MRNIP: variants seen among roughly 807,000 people sequenced by gnomAD.
MRNIP encodes MRN complex interacting protein.
MRNIP carries 30 observed loss-of-function variants against 29.8 expected under a neutral mutation model. The observed-to-expected ratio is 1.01, with a 90% confidence interval of 0.75 to 1.36. The LOEUF is 1.36. Ranked by LOEUF, MRNIP falls within the 40% of genes most tolerant of loss-of-function variation. The probability of loss-of-function intolerance (pLI) is 0.00; values close to 1 mark genes in which losing one functional copy is unlikely to be tolerated. For missense variants in MRNIP, 459 were observed against 423.5 expected (o/e 1.08, Z -0.74); for synonymous variants, 201 against 164.1 (o/e 1.23, Z -1.72).
chr5:179,842,072 A>C lies in MRNIP; in HGVS notation c.292-8T>G. 1 of 1,612,926 alleles carries C rather than the reference A, an allele frequency of 6.2e-7. No homozygotes were observed. Among genetic ancestry groups the C allele is most frequent in the Non-Finnish European group, 8.5e-7 (1 of 1,179,714 alleles). On this transcript the variant is annotated splice_region_variant and splice_polypyrimidine_tract_variant and intron_variant, in intron 4 of 6. Transcript: ENST00000292586. ...TGAGGGCTGCGATTTTTCCTGCCAG[A>C]TTGAGAAAAAAGTTGATTCTCAGTA...
Position 179,841,956 on chromosome 5 carries a change from T to C in MRNIP, c.400A>G (p.Lys134Glu), listed in dbSNP as rs377383864. The change falls in exon 5 of 7, where the codon AAA becomes GAA. Residue 134 changes from lysine (K) to glutamate (E), a missense_variant. By Grantham distance (56) the Lys-to-Glu change is moderately conservative. Coordinates refer to ENST00000292586, the MANE Select transcript of MRNIP (RefSeq NM_016175.4). The stretch of plus-strand genomic sequence containing the variant: ...AAGCGGGGGCCTGGCTCCTCCATTT[T>C]GGATGAAGGCTGTTTGCTGAAACAC... ...GVCFSKQPSS[K>E]MEEPGPRFSQ... The C allele has an allele frequency of 8.1e-6, 13 of 1,614,058 alleles. No homozygotes were observed. The African/African-American group carries it at 1.5e-4, about 18-fold the overall frequency.
At chr5:179,852,927 C>T (rs949393663) in intron 2 of MRNIP, among the ~76,000 whole-genome samples, 3 of 152,236 alleles carry the variant, frequency 2.0e-5, no homozygotes, top group Non-Finnish European at 4.4e-5. Context: ...TATCCCACAC[C>T]TCCACCTCCA....
At position 179,837,752 on chromosome 5, in the gene MRNIP, G is replaced by T. The variant is rs766672073; in HGVS notation, c.671C>A (p.Ala224Asp). ...AAATTGCGCCCATTTAGAGGATGTGGCTGTAACCTGCTGGATGGGACTCCA... is the reference window on the plus strand; with the variant it reads ...AAATTGCGCCCATTTAGAGGATGTGTCTGTAACCTGCTGGATGGGACTCCA... Reference protein sequence around the residue: ...ELWSPIQQVTATSSKWAQFVL... With the variant: ...ELWSPIQQVTDTSSKWAQFVL... Residue 224 changes from alanine to aspartate, a missense_variant, in exon 7 of 7, where the codon GCC (alanine) becomes GAC (aspartate). Transcript: ENST00000292586. 4 of 1,614,232 alleles carry T rather than the reference G, an allele frequency of 2.5e-6. No homozygotes were observed. The South Asian group carries it at 4.4e-5, about 18-fold the overall frequency.
chr5:179,848,188 A>G (rs1418776666), intron 2 of MRNIP, 122 bp from the exon 3 acceptor site: 2 of 728,654 alleles, frequency 2.7e-6, no homozygotes, highest in Admixed American at 2.1e-5. Flanking sequence ...AGACCCCTAA[A>G]GCAGCATGCA....
At position 179,842,180 on chromosome 5, in the gene MRNIP, T is replaced by C. The variant is rs1758909078; in HGVS notation, c.292-116A>G. On this transcript the variant is annotated intron_variant, in intron 4 of 6. Transcript: ENST00000292586. Reference sequence around the variant, plus strand: ...TCAGGAGTCATGTCCAGCTCCACTCTAGGAAAGGCACCGGCTGGAAGGTGA... The same window carrying C: ...TCAGGAGTCATGTCCAGCTCCACTCCAGGAAAGGCACCGGCTGGAAGGTGA... 6.9e-6 allele frequency: 7 copies of C among 1,008,950 alleles called. No individual in the cohort carries two copies. In the Admixed American group the frequency reaches 8.7e-5, roughly 13 times the overall value. The allele number at this position is 1,008,950 out of a possible 1,614,324, so 62.5% of individuals were successfully genotyped here. A position where few individuals can be genotyped will look rare whatever the true frequency, so the allele number is the denominator to read the frequency against.
At chr5:179,842,109 G>A (rs1457582317) in intron 4 of MRNIP, 45 bp from the exon 5 acceptor site, 3 of 1,600,498 alleles carry the variant, frequency 1.9e-6, no homozygotes, top group Non-Finnish European at 2.6e-6. Flanking sequence ...TGGAAACCAG[G>A]CAGTTTTATC....
In MRNIP at chr5:179,848,051, A is replaced by G; in HGVS notation, c.142T>C (p.Ser48Pro). 1 of 1,613,974 alleles carries G rather than the reference A, an allele frequency of 6.2e-7. No homozygotes were observed. Among genetic ancestry groups the G allele is most frequent in the Non-Finnish European group, 8.5e-7 (1 of 1,179,830 alleles). The change falls in exon 3 of 7, where the codon TCT becomes CCT. Residue 48 changes from serine (S) to proline (P), a missense_variant. Coordinates refer to ENST00000292586, the MANE Select transcript of MRNIP (RefSeq NM_016175.4). Reference protein sequence around the residue: ...QSFLQAYGEGSGADCRRHVQK... With the variant: ...QSFLQAYGEGPGADCRRHVQK... Reference sequence around the variant, plus strand: ...ACATGGCGTCTACAATCAGCACCAGAGCCTTCACCATAAGCCTGAGAAACC... The same window carrying G: ...ACATGGCGTCTACAATCAGCACCAGGGCCTTCACCATAAGCCTGAGAAACC...
intron 1 of MRNIP, among the ~76,000 whole-genome samples, chr5:179,855,364 G>A (rs1044697464): frequency 3.3e-5 from 5 of 151,804 alleles, no homozygotes; most frequent in African/African-American, 4.8e-5. Context: ...GGCTGGTCTC[G>A]AACTCCTGAC....
At chr5:179,846,753 T>A (rs1246750222) in intron 3 of MRNIP, among the ~76,000 whole-genome samples, 1 of 152,210 alleles carries the variant, frequency 6.6e-6, no homozygotes, top group Non-Finnish European at 1.5e-5. Context: ...TTCCAAAATC[T>A]TAGAGATATT....
intron 4 of MRNIP, among the ~76,000 whole-genome samples, chr5:179,843,041 A>AGAAG (rs575675053): frequency 0.035 from 3,681 of 106,204 alleles, 74 homozygotes; most frequent in South Asian, 0.048. Flanking sequence ...AAAGGAGGAA[A>AGAAG]GAAGGAAGGA....
chr5:179,856,324 T>C (rs1223120737), intron 1 of MRNIP, among the ~76,000 whole-genome samples: 1 of 152,148 alleles, frequency 6.6e-6, no homozygotes, highest in Non-Finnish European at 1.5e-5. Flanking sequence ...TTGATTCCCG[T>C]GTATTTCGGA....
Position 179,840,905 on chromosome 5 carries a change from C to A in MRNIP, c.504G>T (p.Ser168=). The change falls in exon 6 of 7, where the codon TCG becomes TCT. Residue 168 remains serine, a synonymous_variant. Coordinates refer to ENST00000292586, the MANE Select transcript of MRNIP (RefSeq NM_016175.4). ...GTCCCCAGGCGACCTCAGAGCCACC[C>A]GAGTCCTGCACGCCACGGCTGCACG... The part of the protein sequence containing the change: ...QPPCSRGVQD[S]GGSEVAWGPQ... The A allele has an allele frequency of 1.2e-6, 2 of 1,612,116 alleles. No individual in the cohort carries two copies. The highest frequency in any genetic ancestry group is 1.7e-6 in the Non-Finnish European group (2 of 1,179,322).
rs201735243 is a variant in MRNIP at position 179,855,907 on chromosome 5, G to T, written c.67-2470C>A. Among the ~76,000 whole-genome samples, 525 of 110,922 alleles carry T rather than the reference G, an allele frequency of 4.7e-3. 3 individuals carry two copies. The highest frequency in any genetic ancestry group is 0.033 in the East Asian group (108 of 3,266). 72.8% of individuals were successfully genotyped at this position (110,922 alleles called of 152,430 possible). On this transcript the variant is annotated intron_variant, in intron 1 of 6. Coordinates refer to ENST00000292586, the MANE Select transcript of MRNIP (RefSeq NM_016175.4). ...AGTATATAAACAAGTAAGAAAAGTTGTTTTTTTTTTTTTTTTTTTGAGACA... is the reference window on the plus strand; with the variant it reads ...AGTATATAAACAAGTAAGAAAAGTTTTTTTTTTTTTTTTTTTTTTGAGACA...
Position 179,847,973 on chromosome 5 carries a change from T to C in MRNIP, c.215+5A>G. 6.3e-7 allele frequency: 1 copy of C among 1,598,444 alleles called. No individual in the cohort carries two copies. The highest frequency in any genetic ancestry group is 8.6e-7 in the Non-Finnish European group (1 of 1,167,012). ...GACAACCACGCTCTTCTCAAACAAC[T>C]GTACCTGAGTGGCAGCTCTGAAACT... On this transcript the variant is annotated splice_donor_5th_base_variant and intron_variant, in intron 3 of 6. Transcript: ENST00000292586.
intron 1 of MRNIP, among the ~76,000 whole-genome samples, chr5:179,854,666 TA>T (rs1172460819): frequency 6.6e-6 from 1 of 151,106 alleles, no homozygotes; most frequent in Non-Finnish European, 1.5e-5. Context: ...ATTGAAGCTG[TA>T]AAAAAAAATT....
intron 4 of MRNIP, 140 bp downstream of exon 4, chr5:179,844,012 T>C (rs1361090755): frequency 1.4e-6 from 1 of 693,250 alleles, no homozygotes; most frequent in Non-Finnish European, 2.5e-6. Flanking sequence ...TTTATTTTTG[T>C]GTTCCCTGCA....
chr5:179,846,799 C>A (rs1759151384), intron 3 of MRNIP, among the ~76,000 whole-genome samples: 1 of 152,198 alleles, frequency 6.6e-6, no homozygotes, highest in Admixed American at 6.5e-5. Context: ...TCAATACAGG[C>A]AAGCTGCCTG....
chr5:179,837,455 T>G lies in MRNIP; in HGVS notation c.968A>C (p.Asn323Thr), dbSNP rs374714786. Residue 323 changes from asparagine (N) to threonine (T), a missense_variant, in exon 7 of 7, where the codon AAT becomes ACT. Transcript: ENST00000292586. ...EGGPLVLEAQ[N>T]PRPTRLCDLF... is the part of the protein sequence containing the mutation. ...GTCACATAGTCGTGTGGGTCGAGGA[T>G]TCTGTGCCTCCAGGACCAGGGGCCC... 3 of 1,612,460 alleles carry G rather than the reference T, an allele frequency of 1.9e-6. No homozygotes were observed. Among genetic ancestry groups the G allele is most frequent in the African/African-American group, 2.7e-5 (2 of 74,778 alleles).
intron 2 of MRNIP, among the ~76,000 whole-genome samples, chr5:179,852,211 G>A (rs1173707973): frequency 6.6e-5 from 10 of 150,892 alleles, no homozygotes; most frequent in Non-Finnish European, 8.9e-5. Flanking sequence ...GCTTAAACCC[G>A]GGAGGCGAAG....
Sources: allele counts gnomAD v4.1 joint callset (sites outside exome capture counted in the v4.1 genomes callset), GRCh38; gene constraint gnomAD v4.1.1; transcripts MANE v1.5; gene names NCBI Gene and HGNC (gene_info 2026-07-23, HGNC 2026-07-21).